Variants in GASK1A observed in about 807,000 individuals in gnomAD.
GASK1A encodes Golgi-associated kinase 1A.
In GASK1A, 40 loss-of-function variants were observed where a neutral mutation model predicts 41.2. That is an observed-to-expected ratio of 0.97 (90% CI 0.75 to 1.27). The LOEUF is 1.27. Among genes scored for constraint, GASK1A ranks in the 50% most tolerant of loss-of-function variants. The pLI is 0.00. For missense variants in GASK1A, 678 were observed against 745.1 expected (o/e 0.91, Z 1.05); for synonymous variants, 316 against 307.1 (o/e 1.03, Z -0.30).
At chr3:43,026,193 G>T (rs1034904646) in intron 1 of GASK1A, among the ~76,000 whole-genome samples, 3 of 152,010 alleles carry the variant, frequency 2.0e-5, no homozygotes, top group African/African-American at 7.3e-5. Context: ...GATTAGAAAA[G>T]CAGAGGACAC....
At chr3:43,027,745 GAGAAA>G (rs1559403522) in intron 1 of GASK1A, among the ~76,000 whole-genome samples, 1 of 152,096 alleles carries the variant, frequency 6.6e-6, no homozygotes, top group Non-Finnish European at 1.5e-5. Context: ...GTAAAAGTAA[GAGAAA>G]AGAAAACATA....
At position 43,053,530 on chromosome 3, in the gene GASK1A, C is replaced by T. The variant is rs751060322; in HGVS notation, c.1300C>T (p.Arg434Cys). 26 of 1,548,258 alleles carry T rather than the reference C, an allele frequency of 1.7e-5. 1 individual carries two copies. Among genetic ancestry groups the T allele is most frequent in the South Asian group, 1.7e-4 (14 of 83,854 alleles). ...LFDFLLQVHD[R>C]LDRYCCGFEP... ...CTGGGTGTCTCCACAGGTCCACGAC[C>T]GCTTGGATCGCTACTGCTGTGGCTT... Residue 434 changes from arginine to cysteine, a missense_variant, in exon 3 of 5, where the codon CGC becomes TGC. Transcript: ENST00000430121.
At chr3:43,046,321 G>A (rs753588909) in intron 2 of GASK1A, among the ~76,000 whole-genome samples, 3 of 152,228 alleles carry the variant, frequency 2.0e-5, no homozygotes, top group Non-Finnish European at 2.9e-5. Context: ...GAATAAAGGT[G>A]ATTATTGCTA....
chr3:43,012,727 A>C (rs1309555264), intron 1 of GASK1A, among the ~76,000 whole-genome samples: 3 of 150,376 alleles, frequency 2.0e-5, no homozygotes, highest in Non-Finnish European at 4.4e-5. Context: ...AGTCACAGGA[A>C]GGGAAGTGGA....
At chr3:42,983,371 C>T (rs1481422398) in intron 1 of GASK1A, among the ~76,000 whole-genome samples, 2 of 151,804 alleles carry the variant, frequency 1.3e-5, no homozygotes, top group South Asian at 4.2e-4. Context: ...GTCACAGGTG[C>T]CTTTCATTCA....
intron 2 of GASK1A, among the ~76,000 whole-genome samples, chr3:43,034,308 C>T (rs908738724): frequency 2.0e-5 from 3 of 152,138 alleles, no homozygotes; most frequent in Non-Finnish European, 4.4e-5. Context: ...CAGGAGTTAA[C>T]CCTGGAGTTG....
intron 1 of GASK1A, among the ~76,000 whole-genome samples, chr3:43,011,166 G>A (rs560701537): frequency 6.6e-6 from 1 of 152,180 alleles, no homozygotes; most frequent in African/African-American, 2.4e-5. Flanking sequence ...GGCAGATCAC[G>A]AGGTCAGGAG....
At chr3:42,998,667 C>T (rs1393184759) in intron 1 of GASK1A, among the ~76,000 whole-genome samples, 1 of 152,194 alleles carries the variant, frequency 6.6e-6, no homozygotes, top group Middle Eastern at 3.2e-3. Flanking sequence ...GTCTCTGCCT[C>T]CTGCTATGAC....
At chr3:43,000,104 T>C (rs2089401291) in intron 1 of GASK1A, among the ~76,000 whole-genome samples, 1 of 152,224 alleles carries the variant, frequency 6.6e-6, no homozygotes, top group African/African-American at 2.4e-5. Context: ...CCTGGACGTC[T>C]TTGGAGTCAG....
chr3:42,997,440 G>GC (rs1409880056), intron 1 of GASK1A, among the ~76,000 whole-genome samples: 4 of 151,002 alleles, frequency 2.6e-5, no homozygotes, highest in Admixed American at 1.3e-4. Context: ...CAGAGAGAGG[G>GC]GGGGGGGATC....
chr3:43,033,501 G>T lies in GASK1A; in HGVS notation c.1238G>T (p.Gly413Val), dbSNP rs1159633995. The change falls in exon 2 of 5, where the codon GGC becomes GTC. Residue 413 changes from glycine (G) to valine (V), a missense_variant. Transcript: ENST00000430121. The stretch of plus-strand genomic sequence containing the variant: ...TGGCCAGGCCAGGCCCCGTGCCCGG[G>T]CATCCACCATACCGAGTGGGCACGC... The part of the protein sequence containing the change: ...CNWPGQAPCP[G>V]IHHTEWARLA... The T allele has an allele frequency of 6.5e-7, 1 of 1,549,470 alleles. No homozygotes were observed. The highest frequency in any genetic ancestry group is 2.0e-5 in the Admixed American group (1 of 50,966).
chr3:43,012,365 C>T (rs1218270610), intron 1 of GASK1A, among the ~76,000 whole-genome samples: 2 of 151,288 alleles, frequency 1.3e-5, no homozygotes, highest in African/African-American at 4.9e-5. Context: ...AGTGTGAAGC[C>T]ACAGGAAGGG....
chr3:42,982,054 A>G (rs891417181), intron 1 of GASK1A, among the ~76,000 whole-genome samples: 2 of 152,310 alleles, frequency 1.3e-5, no homozygotes, highest in South Asian at 2.1e-4. Context: ...TGTCCTTTTG[A>G]AAAAAAGAAA....
At chr3:43,051,883 C>A (rs2089690422) in intron 2 of GASK1A, among the ~76,000 whole-genome samples, 1 of 152,316 alleles carries the variant, frequency 6.6e-6, no homozygotes, top group Admixed American at 6.5e-5. Context: ...AGGCTGATGT[C>A]TTCCTCTCCA....
At chr3:43,013,780 G>A (rs2089476110) in intron 1 of GASK1A, among the ~76,000 whole-genome samples, 1 of 151,954 alleles carries the variant, frequency 6.6e-6, no homozygotes, top group Non-Finnish European at 1.5e-5. Context: ...GGGGCTACGT[G>A]AAGTCACAGG....
chr3:43,001,085 A>G (rs1435672326), intron 1 of GASK1A, among the ~76,000 whole-genome samples: 3 of 151,808 alleles, frequency 2.0e-5, no homozygotes, highest in Non-Finnish European at 4.4e-5. Context: ...CCCCTCCTCC[A>G]CCCCTGCCCC....
At chr3:43,053,997 T>A in intron 3 of GASK1A, 1 of 370,480 alleles carries the variant, frequency 2.7e-6, no homozygotes, top group South Asian at 2.2e-5. Context: ...AAATGAGGAA[T>A]TGCAGTCTGG....
chr3:43,005,403 G>C (rs1052638127), intron 1 of GASK1A, among the ~76,000 whole-genome samples: 1 of 152,208 alleles, frequency 6.6e-6, no homozygotes, highest in African/African-American at 2.4e-5. Context: ...GTGTTGTACT[G>C]AGTAGTGTGA....
intron 1 of GASK1A, among the ~76,000 whole-genome samples, chr3:42,993,183 C>T (rs1411492365): frequency 3.9e-5 from 6 of 152,166 alleles, no homozygotes; most frequent in Non-Finnish European, 8.8e-5. Flanking sequence ...CAGGGGAGCA[C>T]TAGGTTAAAG....
Sources: gnomAD v4.1 joint callset for allele counts (sites outside exome capture counted in the v4.1 genomes callset) on GRCh38, gnomAD v4.1.1 for gene constraint, MANE v1.5 for transcripts, NCBI Gene and HGNC (gene_info 2026-07-23, HGNC 2026-07-21) for gene names.